CERKL: variants seen among roughly 807,000 people sequenced by gnomAD.
The protein encoded by CERKL is CERK like autophagy regulator.
In CERKL, 61 loss-of-function variants were observed where a neutral mutation model predicts 63.4. The ratio of observed to expected loss-of-function variants is 0.96; its 90% CI spans 0.78 to 1.19. CERKL has a LOEUF of 1.19. CERKL is among the 50% of genes most tolerant of loss of function. CERKL has a pLI of 0.00. For synonymous variants in CERKL, 250 were observed against 230.5 expected, an observed-to-expected ratio of 1.08 and a Z score of -0.77; for missense variants, 675 against 655.5, an observed-to-expected ratio of 1.03 and a Z score of -0.33.
At chr2:181,580,233 C>T (rs886602102) in intron 2 of CERKL, among the ~76,000 whole-genome samples, 1 of 151,862 alleles carries the variant, frequency 6.6e-6, no homozygotes, top group Non-Finnish European at 1.5e-5. Context: ...TCCCTCAGTA[C>T]CATGTTAAAC....
In CERKL at chr2:181,550,837, A is replaced by G. The variant is rs1687953302; in HGVS notation, c.821-1129T>C. 6.6e-6 allele frequency among the ~76,000 whole-genome samples: 1 copy of G among 152,192 alleles called. No homozygotes were observed. Among genetic ancestry groups the G allele is most frequent in the Non-Finnish European group, 1.5e-5 (1 of 68,026 alleles). On this transcript the variant is annotated intron_variant, in intron 5 of 12. Coordinates refer to ENST00000410087, the MANE Select transcript of CERKL (RefSeq NM_201548.5). This position sits in a 1 kb window ranked among gnomAD's most constrained non-coding sequence, Gnocchi z 4.5. ...TATTTAATTATTATTAATTATAAATAAGCACAATTACTTCTAGTAATACCA... is the reference window on the plus strand; with the variant it reads ...TATTTAATTATTATTAATTATAAATGAGCACAATTACTTCTAGTAATACCA...
At chr2:181,567,256 T>G (rs1688705591) in intron 3 of CERKL, among the ~76,000 whole-genome samples, 1 of 152,174 alleles carries the variant, frequency 6.6e-6, no homozygotes, top group Non-Finnish European at 1.5e-5. Context: ...AGATGTGTGC[T>G]GATCATTCAT....
intron 2 of CERKL, among the ~76,000 whole-genome samples, chr2:181,586,602 A>G (rs959484566): frequency 6.6e-6 from 1 of 152,204 alleles, no homozygotes; most frequent in East Asian, 1.9e-4. Flanking sequence ...TAACTTCCCA[A>G]TTCATACTCT....
At chr2:181,630,779 TAC>T (rs1428985969) in intron 1 of CERKL, among the ~76,000 whole-genome samples, 47 of 152,230 alleles carry the variant, frequency 3.1e-4, no homozygotes, top group Non-Finnish European at 2.9e-5. Context: ...CAGACTCCTA[TAC>T]TATCCTGCCT....
In CERKL at chr2:181,558,058, T is replaced by C. The variant is rs553570053; in HGVS notation, c.820+508A>G. ...GATTAAAAAGCCTTGCCCTTAAGAA[T>C]CTCACCCTTCCAAACCTTATCCTCC... On this transcript the variant is annotated intron_variant, in intron 5 of 12. Transcript: ENST00000410087. This position sits in a 1 kb window ranked among gnomAD's most constrained non-coding sequence, Gnocchi z 4.2. 7.2e-5 allele frequency among the ~76,000 whole-genome samples: 11 copies of C among 152,278 alleles called. No homozygotes were observed. In the South Asian group the frequency reaches 1.0e-3, roughly 14 times the overall value.
In CERKL at chr2:181,550,125, A is replaced by G. The variant is rs1322479363; in HGVS notation, c.821-417T>C. On this transcript the variant is annotated intron_variant, in intron 5 of 12. Transcript: ENST00000410087. This position sits in a 1 kb window ranked among gnomAD's most constrained non-coding sequence, Gnocchi z 4.5. ...GCATACATAAATAAAAGAGAAAATA[A>G]TCCAAATAATAACTCAGAAAAATAA... 6.6e-6 allele frequency among the ~76,000 whole-genome samples: 1 copy of G among 152,194 alleles called. No individual in the cohort carries two copies. The highest frequency in any genetic ancestry group is 2.4e-5 in the African/African-American group (1 of 41,462).
chr2:181,566,393 C>T (rs1215359751), intron 3 of CERKL, among the ~76,000 whole-genome samples: 1 of 152,124 alleles, frequency 6.6e-6, no homozygotes, highest in African/African-American at 2.4e-5. Flanking sequence ...CCAATTTGTC[C>T]TGGTGCCTGT....
rs200778934 is a variant in CERKL at position 181,548,870 on chromosome 2, A to G, written c.896-13T>C. The G allele has an allele frequency of 9.9e-5, 159 of 1,610,326 alleles. No homozygotes were observed. Among genetic ancestry groups the G allele is most frequent in the Non-Finnish European group, 1.3e-4 (150 of 1,176,728 alleles). ...AGCTGTACATGCCCTTGAATATTAC[A>G]TTAAATATTAATCAGTGAGTACAGT... On this transcript the variant is annotated splice_polypyrimidine_tract_variant and intron_variant, in intron 6 of 12. Transcript: ENST00000410087.
At chr2:181,627,301 C>A (rs576431033) in intron 1 of CERKL, among the ~76,000 whole-genome samples, 198 of 152,150 alleles carry the variant, frequency 1.3e-3, no homozygotes, top group Non-Finnish European at 2.2e-3. Flanking sequence ...AACTAGGAAA[C>A]CCTCATTAGT....
rs11450338 is a variant in CERKL at position 181,543,983 on chromosome 2, CAAAA to C, written c.1365+713_1365+716del. 9.3e-5 allele frequency among the ~76,000 whole-genome samples: 11 copies of C among 118,186 alleles called. No individual in the cohort carries two copies. The East Asian group carries it at 1.4e-3, about 15-fold the overall frequency. 77.5% of individuals were successfully genotyped at this position (118,186 alleles called of 152,430 possible). ...TGGGTGACACAGCAAGGCTCTAACT[CAAAA>C]AAAAAAAAAAAAAGAAAGAAAAAGA... On this transcript the variant is annotated intron_variant, in intron 11 of 12. Transcript: ENST00000410087.
chr2:181,604,568 T>A, intron 1 of CERKL, among the ~76,000 whole-genome samples: 1 of 152,170 alleles, frequency 6.6e-6, no homozygotes, highest in Admixed American at 6.5e-5. Context: ...ATAGTCAATG[T>A]ATGAAGAATT....
intron 12 of CERKL, 151 bp from the exon 13 acceptor site, chr2:181,538,395 G>A: frequency 3.3e-6 from 2 of 609,188 alleles, no homozygotes; most frequent in South Asian, 2.0e-5. Flanking sequence ...GAGAAGGTCT[G>A]ATTGATAAAT....
chr2:181,549,882 T>C (rs935247706), intron 5 of CERKL, among the ~76,000 whole-genome samples, 174 bp from the exon 6 acceptor site: 5 of 152,242 alleles, frequency 3.3e-5, no homozygotes, highest in African/African-American at 9.6e-5. Context: ...ATTCACAGTA[T>C]AGATGCACAT....
intron 1 of CERKL, among the ~76,000 whole-genome samples, chr2:181,629,821 A>C (rs1455747906): frequency 6.6e-6 from 1 of 152,134 alleles, no homozygotes; most frequent in African/African-American, 2.4e-5. Flanking sequence ...CCACAGAGTT[A>C]GAGTTGAGAA....
intron 12 of CERKL, among the ~76,000 whole-genome samples, chr2:181,538,495 TGCCTCTAGAACA>T (rs138386485): frequency 0.6 from 90,532 of 151,830 alleles, 27,263 homozygotes; most frequent in South Asian, 0.83. Context: ...CAGTCAGTTA[TGCCTCTAGAACA>T]CCCATGTCTA....
chr2:181,646,037 A>G (rs1204513876), intron 1 of CERKL, among the ~76,000 whole-genome samples: 1 of 152,214 alleles, frequency 6.6e-6, no homozygotes, highest in Non-Finnish European at 1.5e-5. Context: ...CTTACTAAGA[A>G]GCTAACATTT....
chr2:181,538,526 C>T (rs964135266), intron 12 of CERKL, among the ~76,000 whole-genome samples: 2 of 152,106 alleles, frequency 1.3e-5, no homozygotes, highest in African/African-American at 4.8e-5. Flanking sequence ...TAGTGGGCAC[C>T]CCTGCATGCT....
chr2:181,557,608 C>A (rs1688267910), intron 5 of CERKL, among the ~76,000 whole-genome samples: 1 of 152,130 alleles, frequency 6.6e-6, no homozygotes, highest in African/African-American at 2.4e-5. Context: ...CTCCTGCTCC[C>A]AACCTCTAAT....
chr2:181,575,495 A>G (rs1205411234), intron 2 of CERKL, among the ~76,000 whole-genome samples: 2 of 152,196 alleles, frequency 1.3e-5, no homozygotes, highest in Admixed American at 6.5e-5. Flanking sequence ...GAGAAGGACA[A>G]AGTACAACAG....
Sources: gnomAD v4.1 joint callset for allele counts (sites outside exome capture counted in the v4.1 genomes callset) on GRCh38, gnomAD v4.1.1 for gene constraint, Gnocchi (gnomAD v3.1) non-coding constraint, MANE v1.5 for transcripts, NCBI Gene and HGNC (gene_info 2026-07-23, HGNC 2026-07-21) for gene names.